TAF1D: variants seen among roughly 807,000 people sequenced by gnomAD.
The protein encoded by TAF1D is TATA box-binding protein-associated factor RNA polymerase I subunit D.
TAF1D carries 23 observed loss-of-function variants against 26.2 expected under a neutral mutation model. That is an observed-to-expected ratio of 0.88 (90% CI 0.63 to 1.25). TAF1D has a LOEUF of 1.25. TAF1D is among the 50% of genes most tolerant of loss of function. The probability of loss-of-function intolerance (pLI) is 0.00; values close to 1 mark genes in which losing one functional copy is unlikely to be tolerated. For synonymous variants in TAF1D, 100 were observed against 105.6 expected (o/e 0.95, Z 0.33); for missense variants, 299 against 322.0 (o/e 0.93, Z 0.55).
downstream of TAF1D, chr11:93,733,348 A>G (rs781170833): frequency 1.9e-6 from 1 of 519,072 alleles, no homozygotes; most frequent in Non-Finnish European, 3.8e-6. Flanking sequence ...ATTAAAACTT[A>G]CCTAAGCGAT....
Position 93,736,675 on chromosome 11 carries a change from A to G in TAF1D, c.693+19T>C, listed in dbSNP as rs1191525757. On this transcript the variant is annotated intron_variant, in intron 5 of 5. Transcript: ENST00000448108. ...TCCTGCCTTCCCAAAATGGAATAGGAAAAAAATAAGTCACTTACTGCCAAT... is the reference window on the plus strand; with the variant it reads ...TCCTGCCTTCCCAAAATGGAATAGGGAAAAAATAAGTCACTTACTGCCAAT... 3 of 1,608,824 alleles carry G rather than the reference A, an allele frequency of 1.9e-6. No homozygotes were observed. The highest frequency in any genetic ancestry group is 2.5e-6 in the Non-Finnish European group (3 of 1,178,558).
At chr11:93,735,127 T>C (rs750064243), downstream of TAF1D, 21 of 1,347,646 alleles carry the variant, frequency 1.6e-5, no homozygotes, top group Non-Finnish European at 2.0e-5. Flanking sequence ...CCTTCTTATA[T>C]GTATCAAAAC....
Position 93,738,355 on chromosome 11 carries a change from T to C in TAF1D, c.213A>G (p.Glu71=), listed in dbSNP as rs756159615. 6.2e-7 allele frequency: 1 copy of C among 1,613,882 alleles called. No individual in the cohort carries two copies. Among genetic ancestry groups the C allele is most frequent in the African/African-American group, 1.3e-5 (1 of 75,026 alleles). Residue 71 remains glutamate, a synonymous_variant, in exon 3 of 6, where the codon GAA becomes GAG. Transcript: ENST00000448108. Reference sequence around the variant, plus strand: ...TAGCTTTTATAGTCAATGGTATTGGTTCAAAAGATGAGTCACTTGATGAAT... The same window carrying C: ...TAGCTTTTATAGTCAATGGTATTGGCTCAAAAGATGAGTCACTTGATGAAT... The part of the protein sequence containing the change: ...ASDSSSDSSF[E]PIPLTIKAIF...
At chr11:93,735,362 A>G (rs1940533180), downstream of TAF1D, 1 of 1,078,526 alleles carries the variant, frequency 9.3e-7, no homozygotes, top group Non-Finnish European at 1.2e-6. Flanking sequence ...CTTTTCTTGA[A>G]CTAATAAAAA....
chr11:93,731,861 G>GTATA, downstream of TAF1D: 1 of 367,158 alleles, frequency 2.7e-6, no homozygotes, highest in Non-Finnish European at 5.3e-6. Flanking sequence ...ACACAGTAAT[G>GTATA]TATACCACAT....
chr11:93,735,514 A>T (rs116863270), downstream of TAF1D: 1,199 of 437,312 alleles, frequency 2.7e-3, 17 homozygotes, highest in East Asian at 0.052. Flanking sequence ...CTACTAAAAA[A>T]ACAAAAACTA....
intron 1 of TAF1D, among the ~76,000 whole-genome samples, chr11:93,739,884 C>T (rs1013927808): frequency 2.2e-5 from 3 of 134,590 alleles, no homozygotes; most frequent in African/African-American, 8.3e-5. Context: ...CTGACAAGTT[C>T]TGAATTCTCA....
chr11:93,735,201 CTT>C (rs1342394789), downstream of TAF1D: 55 of 1,351,892 alleles, frequency 4.1e-5, no homozygotes, highest in Non-Finnish European at 4.9e-5. Context: ...ATCTGTAAGT[CTT>C]TGTCCACGTT....
chr11:93,732,675 TA>T (rs1229072434), downstream of TAF1D: 3 of 285,880 alleles, frequency 1.0e-5, no homozygotes, highest in Admixed American at 1.3e-4. Flanking sequence ...AGTCTTTGCC[TA>T]ATCTTTGCCC....
chr11:93,731,439 TG>T (rs1938752265), downstream of TAF1D: 1 of 509,090 alleles, frequency 2.0e-6, no homozygotes, highest in Admixed American at 2.0e-5. Flanking sequence ...ATCATGTTTC[TG>T]GTAACTTTTA....
downstream of TAF1D, chr11:93,730,961 T>G (rs1938552809): frequency 4.0e-6 from 2 of 499,256 alleles, no homozygotes; most frequent in African/African-American, 2.0e-5. Flanking sequence ...TTGTATTGCA[T>G]TTCTATTACA....
chr11:93,730,890 C>A, downstream of TAF1D: 1 of 457,802 alleles, frequency 2.2e-6, no homozygotes, highest in Admixed American at 2.4e-5. Flanking sequence ...TTCAAGAGAT[C>A]TAGGAGAATT....
chr11:93,733,675 G>GA (rs745995039), downstream of TAF1D: 14 of 472,678 alleles, frequency 3.0e-5, no homozygotes, highest in East Asian at 7.9e-4. Context: ...GATTCTTGCT[G>GA]AATCACTTGA....
At chr11:93,737,960 G>C (rs1395285179) in intron 3 of TAF1D, 149 bp downstream of exon 3, 5 of 738,560 alleles carry the variant, frequency 6.8e-6, no homozygotes, top group Non-Finnish European at 1.0e-5. Context: ...TGAAGGATAG[G>C]GTGGACTTTA....
intron 4 of TAF1D, 42 bp from the exon 5 acceptor site, chr11:93,736,793 A>G (rs1207890279): frequency 1.3e-6 from 2 of 1,577,776 alleles, no homozygotes; most frequent in Non-Finnish European, 1.7e-6. Flanking sequence ...AGAATCTTCG[A>G]TGACCTAATT....
chr11:93,732,858 AAT>A (rs1356347588), downstream of TAF1D: 1 of 233,824 alleles, frequency 4.3e-6, no homozygotes, highest in Non-Finnish European at 8.6e-6. Context: ...TTTAGGATGA[AAT>A]ATGTGTAACT....
At chr11:93,731,313 A>C, downstream of TAF1D, 2 of 345,528 alleles carry the variant, frequency 5.8e-6, no homozygotes, top group Non-Finnish European at 1.1e-5. Context: ...GTATCCTGAA[A>C]CCCGGCACCC....
At chr11:93,733,736 T>C (rs1939927674), downstream of TAF1D, 1 of 355,062 alleles carries the variant, frequency 2.8e-6, no homozygotes, top group Non-Finnish European at 5.5e-6. Flanking sequence ...CATCTCACTG[T>C]AGCCTCAAAC....
chr11:93,734,920 T>G (rs1467733370), downstream of TAF1D: 1 of 817,808 alleles, frequency 1.2e-6, no homozygotes, highest in African/African-American at 1.8e-5. Flanking sequence ...CATGCCCCAG[T>G]ACCCAGCTAA....
Sources: gnomAD v4.1 joint callset for allele counts (sites outside exome capture counted in the v4.1 genomes callset) on GRCh38, gnomAD v4.1.1 for gene constraint, MANE v1.5 for transcripts, NCBI Gene and HGNC (gene_info 2026-07-23, HGNC 2026-07-21) for gene names.